Variants in ZIM3 observed in about 807,000 individuals in gnomAD.
ZIM3 encodes zinc finger imprinted 3.
ZIM3 carries 11 observed loss-of-function variants against 12.9 expected under a neutral mutation model. That is an observed-to-expected ratio of 0.85 (90% CI 0.54 to 1.41). The LOEUF (loss-of-function observed/expected upper bound fraction) is 1.41, where lower values mean the gene tolerates loss of function less well. ZIM3 is among the 40% of genes most tolerant of loss of function. The pLI, the probability that ZIM3 is intolerant of heterozygous loss-of-function variation, is 0.00. For missense variants in ZIM3, 604 were observed against 557.2 expected (o/e 1.08, Z -0.85); for synonymous variants, 205 against 198.5 (o/e 1.03, Z -0.28).
Position 57,137,942 on chromosome 19 carries a change from GGAAGGAAA to G in ZIM3, c.142+522_142+529del, listed in dbSNP as rs1568458809. ...AGGAAAGAAGGAAGGAAGGAAGGAA[GGAAGGAAA>G]GAAGGAAGGAAGGAAGGAAAGAAGG... is the stretch of plus-strand genomic sequence containing the variant. On this transcript the variant is annotated intron_variant, in intron 3 of 4. Transcript: ENST00000269834. Among the ~76,000 whole-genome samples, 66 of 50,748 alleles carry G rather than the reference GGAAGGAAA, an allele frequency of 1.3e-3. 13 individuals are homozygous for G. The highest frequency in any genetic ancestry group is 5.4e-3 in the African/African-American group (58 of 10,656). 33.3% of individuals were successfully genotyped at this position (50,748 alleles called of 152,430 possible).
At chr19:57,139,236 G>C (rs2086903192) in intron 2 of ZIM3, among the ~76,000 whole-genome samples, 1 of 151,846 alleles carries the variant, frequency 6.6e-6, no homozygotes, top group South Asian at 2.1e-4. Flanking sequence ...GCTGAGGCAG[G>C]AGAATCACTT....
In ZIM3 at chr19:57,135,576, T is replaced by C. The variant is rs2086882315; in HGVS notation, c.761A>G (p.Lys254Arg). Residue 254 changes from lysine (K) to arginine (R), a missense_variant, in exon 5 of 5, where the codon AAG becomes AGG. Coordinates refer to ENST00000269834, the MANE Select transcript of ZIM3 (RefSeq NM_052882.1). The stretch of plus-strand genomic sequence containing the variant: ...CCAGGAAAAGGCTTTTCCACATGTC[T>C]TACACTGATAGGGTTTCTCTTTAGT... ...MHTKEKPYQC[K>R]TCGKAFSWKS... 1 of 1,613,944 alleles carries C rather than the reference T, an allele frequency of 6.2e-7. No homozygotes were observed. The highest frequency in any genetic ancestry group is 8.5e-7 in the Non-Finnish European group (1 of 1,180,014).
rs1253447252 is a variant in ZIM3, at chr19:57,135,233, A to C, written c.1104T>G (p.Cys368Trp). Residue 368 changes from cysteine (C) to tryptophan (W), a missense_variant, in exon 5 of 5, where the codon TGT (cysteine) becomes TGG (tryptophan). Physicochemically the swap from Cys to Trp is radical, Grantham distance 215 (BLOSUM62 -2). Coordinates refer to ENST00000269834, the MANE Select transcript of ZIM3 (RefSeq NM_052882.1). ...TGKRAYECDL[C>W]GNTFIQKKNL... ...TTTTCTTCTGGATAAAGGTATTTCC[A>C]CATAGATCACACTCATAAGCTCTCT... The C allele has an allele frequency of 8.1e-6, 13 of 1,613,990 alleles. No homozygotes were observed. The highest frequency in any genetic ancestry group is 1.1e-5 in the Non-Finnish European group (13 of 1,179,988).
chr19:57,138,804 A>G (rs1267301274), intron 2 of ZIM3, among the ~76,000 whole-genome samples: 2 of 152,156 alleles, frequency 1.3e-5, no homozygotes, highest in African/African-American at 2.4e-5. Context: ...TCCACCCTCT[A>G]GTCCCACCAA....
Position 57,139,021 on chromosome 19 carries a change from T to C in ZIM3, c.16-423A>G, listed in dbSNP as rs953635169. On this transcript the variant is annotated intron_variant, in intron 2 of 4. Coordinates refer to ENST00000269834, the MANE Select transcript of ZIM3 (RefSeq NM_052882.1). Reference sequence around the variant, plus strand: ...GCTGGGGAACATAGCAAAACCCCTATCTCAAAGAACATTTTATTATTTTGG... The same window carrying C: ...GCTGGGGAACATAGCAAAACCCCTACCTCAAAGAACATTTTATTATTTTGG... Among the ~76,000 whole-genome samples the C allele has an allele frequency of 4.6e-5, 7 of 151,946 alleles. No individual in the cohort carries two copies. The South Asian group carries it at 6.2e-4, about 14-fold the overall frequency.
chr19:57,142,779 G>A (rs2086919284), intron 1 of ZIM3, 94 bp from the exon 2 acceptor site: 1 of 976,184 alleles, frequency 1.0e-6, no homozygotes, highest in African/African-American at 1.6e-5. Context: ...CTGGATAAAA[G>A]CTCTCCCTAA....
In ZIM3 at chr19:57,145,064, C is replaced by A. The variant is rs547556014; in HGVS notation, c.-248G>T. On this transcript the variant is annotated 5_prime_UTR_variant, in exon 1 of 5. Transcript: ENST00000269834. ...AAACACTCACTTCCTATCAAAAGCC[C>A]CACCTGATCCTATCAGGCCACATCA... 1 of 152,282 alleles carries A rather than the reference C, an allele frequency of 6.6e-6. No homozygotes were observed. Among genetic ancestry groups the A allele is most frequent in the East Asian group, 1.9e-4 (1 of 5,176 alleles). The allele number at this position is 152,282 out of a possible 1,614,324, so 9.4% of individuals were successfully genotyped here. A position where few individuals can be genotyped will look rare whatever the true frequency, so the allele number is the denominator to read the frequency against.
At chr19:57,142,527 G>A (rs2086918083) in intron 2 of ZIM3, 102 bp downstream of exon 2, 18 of 1,237,884 alleles carry the variant, frequency 1.5e-5, no homozygotes, top group Admixed American at 1.9e-5. Flanking sequence ...TGGAAGGAAG[G>A]AGGAAAATAT....
At chr19:57,140,167 A>G (rs2086907348) in intron 2 of ZIM3, among the ~76,000 whole-genome samples, 2 of 152,032 alleles carry the variant, frequency 1.3e-5, no homozygotes, top group African/African-American at 4.8e-5. Flanking sequence ...AATTTTGTTT[A>G]TTTATTAATT....
chr19:57,143,054 G>A (rs370596094), intron 1 of ZIM3, among the ~76,000 whole-genome samples: 8 of 151,968 alleles, frequency 5.3e-5, no homozygotes, highest in East Asian at 3.9e-4. Context: ...TTGGCTGGGC[G>A]CGGTGACTCA....
At chr19:57,142,723 T>G in intron 1 of ZIM3, 38 bp from the exon 2 acceptor site, 3 of 1,552,970 alleles carry the variant, frequency 1.9e-6, no homozygotes, top group South Asian at 1.1e-5. Context: ...AATAGCAGAA[T>G]TCGCTTTGGA....
rs896790860 is a variant in ZIM3 at position 57,135,601 on chromosome 19, T to A, written c.736A>T (p.Thr246Ser). The A allele has an allele frequency of 3.1e-6, 5 of 1,613,948 alleles. No homozygotes were observed. The African/African-American group carries it at 6.7e-5, about 22-fold the overall frequency. The change falls in exon 5 of 5, where the codon ACT (threonine) becomes TCT (serine). Residue 246 changes from threonine to serine, a missense_variant. Physicochemically the swap from Thr to Ser is moderately conservative, Grantham distance 58. Coordinates refer to ENST00000269834, the MANE Select transcript of ZIM3 (RefSeq NM_052882.1). ...TTACACTGATAGGGTTTCTCTTTAG[T>A]ATGCATTTTCTGATGTTGAAAGAGA... ...SNLFQHQKMH[T>S]KEKPYQCKTC...
rs183189058 is a variant in ZIM3, at chr19:57,136,643, G to A, written c.241+230C>T. ...CGCGCCACTGCACTCCAGCCTGGGCGACAGAGACTCCGTTTCCAGAAAAAA... is the reference window on the plus strand; with the variant it reads ...CGCGCCACTGCACTCCAGCCTGGGCAACAGAGACTCCGTTTCCAGAAAAAA... On this transcript the variant is annotated intron_variant, in intron 4 of 4. Coordinates refer to ENST00000269834, the MANE Select transcript of ZIM3 (RefSeq NM_052882.1). Among the ~76,000 whole-genome samples the A allele has an allele frequency of 6.1e-3, 880 of 144,598 alleles. 6 individuals are homozygous for A. The highest frequency in any genetic ancestry group is 7.2e-3 in the Non-Finnish European group (485 of 66,966). 94.9% of individuals were successfully genotyped at this position (144,598 alleles called of 152,430 possible). A position where few individuals can be genotyped will look rare whatever the true frequency, so the allele number is the denominator to read the frequency against.
At chr19:57,142,600 T>A in intron 2 of ZIM3, 29 bp downstream of exon 2, 2 of 1,607,100 alleles carry the variant, frequency 1.2e-6, no homozygotes, top group Non-Finnish European at 1.7e-6. Flanking sequence ...TTATTCATTA[T>A]GAGATTTAGA....
Position 57,136,914 on chromosome 19 carries a change from G to C in ZIM3, c.200C>G (p.Pro67Arg). Residue 67 changes from proline to arginine, a missense_variant, in exon 4 of 5, where the codon CCA becomes CGA. Transcript: ENST00000269834. The part of the protein sequence containing the change: ...VILRLEQGKE[P>R]WLEEEEVLGS... ...CAGCACTTCCTCTTCCTCCAACCAT[G>C]GCTCCTTTCCTTGTTCCAACCTCAA... The C allele has an allele frequency of 3.1e-6, 5 of 1,614,106 alleles. No individual in the cohort carries two copies. Among genetic ancestry groups the C allele is most frequent in the Non-Finnish European group, 4.2e-6 (5 of 1,180,032 alleles).
At position 57,134,909 on chromosome 19, in the gene ZIM3, ATGGGG is replaced by A; in HGVS notation, c.*4_*8del. ...TATCTTCCCATGTTTTTTTAAGTGC[ATGGGG>A]CTCCTATCTGGAGTGAATTCTTTTC... On this transcript the variant is annotated 3_prime_UTR_variant, in exon 5 of 5. Coordinates refer to ENST00000269834, the MANE Select transcript of ZIM3 (RefSeq NM_052882.1). The A allele has an allele frequency of 6.3e-7, 1 of 1,596,760 alleles. No homozygotes were observed. The highest frequency in any genetic ancestry group is 8.5e-7 in the Non-Finnish European group (1 of 1,171,400).
chr19:57,136,570 A>G (rs1042774325), intron 4 of ZIM3, among the ~76,000 whole-genome samples: 1 of 151,534 alleles, frequency 6.6e-6, no homozygotes, highest in South Asian at 2.1e-4. Flanking sequence ...AGGCTGAGGC[A>G]GGAGAATCGT....
chr19:57,140,397 A>G (rs1375498206), intron 2 of ZIM3, among the ~76,000 whole-genome samples: 2 of 151,980 alleles, frequency 1.3e-5, no homozygotes, highest in African/African-American at 4.8e-5. Flanking sequence ...GTTGGTCTCA[A>G]ACTCCTGACC....
At chr19:57,143,286 G>C (rs1032028857) in intron 1 of ZIM3, among the ~76,000 whole-genome samples, 34 of 151,050 alleles carry the variant, frequency 2.3e-4, no homozygotes, top group South Asian at 4.2e-4. Flanking sequence ...AGCCGAGATC[G>C]CGCCACCGCA....
Sources: gnomAD v4.1 joint callset for allele counts (sites outside exome capture counted in the v4.1 genomes callset) on GRCh38, gnomAD v4.1.1 for gene constraint, MANE v1.5 for transcripts, NCBI Gene and HGNC (gene_info 2026-07-23, HGNC 2026-07-21) for gene names.